RUVBL1: variants seen among roughly 807,000 people sequenced by gnomAD.
RUVBL1 encodes ruvB-like 1.
A neutral mutation model predicts 52.4 loss-of-function variants in RUVBL1; 4 were observed. That is an observed-to-expected ratio of 0.08 (90% confidence interval 0.04 to 0.17). RUVBL1 has a LOEUF of 0.17. Ranked by LOEUF, RUVBL1 falls within the 10% of genes least tolerant of loss-of-function variation. The probability of loss-of-function intolerance (pLI) is 1.00; values close to 1 mark genes in which losing one functional copy is unlikely to be tolerated. For missense variants in RUVBL1, 298 were observed against 572.8 expected (o/e 0.52, Z 4.90); for synonymous variants, 217 against 214.4 (o/e 1.01, Z -0.10).
intron 3 of RUVBL1, among the ~76,000 whole-genome samples, chr3:128,106,219 T>A (rs1943231619): frequency 6.6e-6 from 1 of 152,134 alleles, no homozygotes; most frequent in African/African-American, 2.4e-5. Flanking sequence ...CAAAACCAAT[T>A]TCCAAAGCAC....
intron 1 of RUVBL1, among the ~76,000 whole-genome samples, chr3:128,150,336 T>C (rs533524114): frequency 1.2e-4 from 18 of 152,120 alleles, no homozygotes; most frequent in Middle Eastern, 3.4e-3. Context: ...TAATGGAATA[T>C]ACATGGAATA....
chr3:128,104,751 G>A (rs1281456439), intron 4 of RUVBL1, 22 bp downstream of exon 4: 1 of 1,586,172 alleles, frequency 6.3e-7, no homozygotes, highest in South Asian at 1.1e-5. Flanking sequence ...CAAGGGAAAA[G>A]AGGCCACATA....
At chr3:128,116,515 C>T (rs1485970923) in intron 2 of RUVBL1, among the ~76,000 whole-genome samples, 6 of 143,830 alleles carry the variant, frequency 4.2e-5, no homozygotes, top group Non-Finnish European at 6.0e-5. Context: ...GGCAAGAGAG[C>T]GAGACTTCAT....
exon 1 of RUVBL1, chr3:128,153,573 G>T (rs1576499628): frequency 1.9e-6 from 3 of 1,548,324 alleles, no homozygotes; most frequent in Non-Finnish European, 1.7e-6. Context: ...GCAAGACGGC[G>T]CTGGCGCGGG....
Position 128,123,732 on chromosome 3 carries a change from A to G in RUVBL1, c.-8T>C, listed in dbSNP as rs1481418787. The G allele has an allele frequency of 6.3e-7, 1 of 1,595,080 alleles. No homozygotes were observed. Among genetic ancestry groups the G allele is most frequent in the Non-Finnish European group, 8.6e-7 (1 of 1,167,398 alleles). On this transcript the variant is annotated 5_prime_UTR_variant, in exon 1 of 11. Coordinates refer to ENST00000322623, the MANE Select transcript of RUVBL1 (RefSeq NM_003707.3). ...CACCTCCTCAATCTTCATTTTGCAG[A>G]CGCCGGGAGCTAAAACCAGCGTGGA...
intron 9 of RUVBL1, chr3:128,066,934 G>T: frequency 6.2e-7 from 1 of 1,613,664 alleles, no homozygotes; most frequent in East Asian, 2.2e-5. Flanking sequence ...AAGGGGATTT[G>T]GTTCTGTTTG....
intron 1 of RUVBL1, among the ~76,000 whole-genome samples, 181 bp from the exon 2 acceptor site, chr3:128,119,595 T>C (rs1190776975): frequency 6.6e-6 from 1 of 152,218 alleles, no homozygotes; most frequent in Non-Finnish European, 1.5e-5. Context: ...GCCTTGTACT[T>C]GTGGAGCTCA....
At chr3:128,066,148 T>C (rs1941971067) in intron 9 of RUVBL1, among the ~76,000 whole-genome samples, 1 of 152,096 alleles carries the variant, frequency 6.6e-6, no homozygotes, top group Non-Finnish European at 1.5e-5. Context: ...GAGGGAGAAG[T>C]TGTATTCCTA....
chr3:128,087,593 G>A, intron 9 of RUVBL1, 113 bp downstream of exon 9: 1 of 728,232 alleles, frequency 1.4e-6, no homozygotes, highest in Non-Finnish European at 2.3e-6. Flanking sequence ...TAGCTAAGTG[G>A]TGAGATGGTG....
chr3:128,076,714 C>A (rs1201290090), downstream of RUVBL1, among the ~76,000 whole-genome samples: 2 of 152,006 alleles, frequency 1.3e-5, no homozygotes, highest in Non-Finnish European at 2.9e-5. The surrounding 1 kb of genome is among the most constrained non-coding windows in gnomAD (Gnocchi z 6.8). Context: ...CATACACACG[C>A]GCGCGCGCAG....
rs1942010964 is a variant in RUVBL1, at chr3:128,067,317, C to T, written c.940-2097G>A. The T allele has an allele frequency of 7.5e-7, 1 of 1,338,648 alleles. No homozygotes were observed. The highest frequency in any genetic ancestry group is 1.4e-5 in the South Asian group (1 of 73,294). The allele number at this position is 1,338,648 out of a possible 1,614,324, so 82.9% of individuals were successfully genotyped here. A position where few individuals can be genotyped will look rare whatever the true frequency, so the allele number is the denominator to read the frequency against. On this transcript the variant is annotated intron_variant, in intron 9 of 9. Transcript: ENST00000464873. This position sits in a 1 kb window ranked among gnomAD's most constrained non-coding sequence, Gnocchi z 4.1. ...TTCAGTAAAAAAATTGTACTGTGGGCACCGAGTAAAATTGCATTCTTTCAT... is the reference window on the plus strand; with the variant it reads ...TTCAGTAAAAAAATTGTACTGTGGGTACCGAGTAAAATTGCATTCTTTCAT...
At chr3:128,095,705 G>A (rs2107684862) in intron 8 of RUVBL1, among the ~76,000 whole-genome samples, 1 of 152,248 alleles carries the variant, frequency 6.6e-6, no homozygotes, top group Non-Finnish European at 1.5e-5. Context: ...CCCATTGTGG[G>A]GCTTACCCAG....
At chr3:128,133,103 C>A (rs944760835) in intron 1 of RUVBL1, among the ~76,000 whole-genome samples, 1 of 152,196 alleles carries the variant, frequency 6.6e-6, no homozygotes, top group Non-Finnish European at 1.5e-5. Flanking sequence ...GGTAGCCAGG[C>A]AGTTCTTGCT....
intron 9 of RUVBL1, chr3:128,069,662 AGCC>A: frequency 6.2e-7 from 1 of 1,613,870 alleles, no homozygotes; most frequent in South Asian, 1.1e-5. Flanking sequence ...TGCTCTTCTG[AGCC>A]CGTCTCCCGG....
At chr3:128,151,009 A>C (rs1233101955) in intron 1 of RUVBL1, among the ~76,000 whole-genome samples, 3 of 90,700 alleles carry the variant, frequency 3.3e-5, no homozygotes, top group African/African-American at 9.5e-5. Flanking sequence ...ATATTATATT[A>C]TATATTATAT....
At chr3:128,136,204 GGAAGA>G (rs1286184385) in intron 1 of RUVBL1, among the ~76,000 whole-genome samples, 1 of 151,072 alleles carries the variant, frequency 6.6e-6, no homozygotes, top group Non-Finnish European at 1.5e-5. Context: ...AAAAAAGGAA[GGAAGA>G]GAAGACACAA....
intron 3 of RUVBL1, among the ~76,000 whole-genome samples, chr3:128,112,325 G>A (rs1428842806): frequency 6.6e-6 from 1 of 152,226 alleles, no homozygotes; most frequent in Non-Finnish European, 1.5e-5. Context: ...TTCTTCAAAT[G>A]CGAAATGTAG....
intron 8 of RUVBL1, among the ~76,000 whole-genome samples, chr3:128,089,414 A>C (rs1391990628): frequency 2.0e-5 from 3 of 152,274 alleles, no homozygotes; most frequent in African/African-American, 7.2e-5. Context: ...TGGCATTCTT[A>C]AACTTGTGCA....
chr3:128,077,077 G>A (rs1042094684), downstream of RUVBL1, among the ~76,000 whole-genome samples: 6 of 151,792 alleles, frequency 4.0e-5, no homozygotes, highest in African/African-American at 7.3e-5. Context: ...TGATCGCGCC[G>A]GGCCCCTGCC....
Sources: allele counts gnomAD v4.1 joint callset (sites outside exome capture counted in the v4.1 genomes callset), GRCh38; gene constraint gnomAD v4.1.1; non-coding constraint Gnocchi (gnomAD v3.1); transcripts MANE v1.5; gene names NCBI Gene and HGNC (gene_info 2026-07-23, HGNC 2026-07-21).